The following PCDHGA7 variants were observed in gnomAD, a reference collection of about 807,000 sequenced individuals.
The protein encoded by PCDHGA7 is protocadherin gamma subfamily A, 7.
Under a neutral mutation model 58.3 loss-of-function variants are expected in PCDHGA7, and 44 were observed. The ratio of observed to expected loss-of-function variants is 0.75; its 90% CI spans 0.59 to 0.97. The LOEUF is 0.97. PCDHGA7 is among the 50% of genes least tolerant of loss of function. PCDHGA7 has a pLI of 0.00. For synonymous variants in PCDHGA7, 516 were observed against 504.2 expected (o/e 1.02, Z -0.31); for missense variants, 1,266 against 1,188.7 (o/e 1.06, Z -0.96).
In PCDHGA7 at chr5:141,487,829, C is replaced by T. The variant is rs528435429; in HGVS notation, c.2425-6978C>T. On this transcript the variant is annotated intron_variant, in intron 1 of 3. Transcript: ENST00000518325. The surrounding 1 kb of genome is among the most constrained non-coding windows in gnomAD (Gnocchi z 5.0). ...GTTTAGCATTGGGGGCGGGTCATGC[C>T]TATATCTGAGTAAGAAATGAAAGTA... The T allele has an allele frequency of 1.1e-4, 125 of 1,182,994 alleles. No homozygotes were observed. In the Middle Eastern group the frequency reaches 3.7e-3, roughly 35 times the overall value. 73.3% of individuals were successfully genotyped at this position (1,182,994 alleles called of 1,614,324 possible).
intron 1 of PCDHGA7, chr5:141,393,248 C>A: frequency 4.3e-6 from 7 of 1,613,798 alleles, no homozygotes; most frequent in Non-Finnish European, 5.9e-6. Flanking sequence ...TTAACGAAAT[C>A]GCGGTTCCTG....
At chr5:141,506,226 G>A (rs1248069119) in intron 3 of PCDHGA7, among the ~76,000 whole-genome samples, 3 of 152,152 alleles carry the variant, frequency 2.0e-5, no homozygotes, top group Non-Finnish European at 1.5e-5. Flanking sequence ...TGAGGCAGGA[G>A]GATCATGAGG....
At chr5:141,387,857 G>A (rs375524405) in intron 1 of PCDHGA7, 124 of 1,594,010 alleles carry the variant, frequency 7.8e-5, no homozygotes, top group Admixed American at 2.1e-4. Context: ...TCTCCAGGCT[G>A]GTGAGCAAGC....
rs181202785 is a variant in PCDHGA7, at chr5:141,458,320, G to A, written c.2425-36487G>A. On this transcript the variant is annotated intron_variant, in intron 1 of 3. Transcript: ENST00000518325. ...TTTAGATAAAATGACACAGACACAT[G>A]TGGAGTGGTTTTAAGGAGTGGAGAG... is the stretch of plus-strand genomic sequence containing the variant. Among the ~76,000 whole-genome samples the A allele has an allele frequency of 3.2e-3, 490 of 152,250 alleles. 4 individuals are homozygous for A. The highest frequency in any genetic ancestry group is 0.017 in the Middle Eastern group (5 of 294).
chr5:141,422,275 A>G (rs367711513), intron 1 of PCDHGA7: 6 of 1,560,374 alleles, frequency 3.8e-6, no homozygotes, highest in East Asian at 2.2e-5. Flanking sequence ...AGAAATAACT[A>G]TCACCTCTTC....
intron 1 of PCDHGA7, among the ~76,000 whole-genome samples, chr5:141,472,113 A>G (rs1296591849): frequency 1.3e-5 from 2 of 152,260 alleles, no homozygotes; most frequent in East Asian, 3.8e-4. Flanking sequence ...ATACATAAAG[A>G]AAATAAAAGA....
At chr5:141,410,312 C>T (rs754522489) in intron 1 of PCDHGA7, 9 of 1,614,036 alleles carry the variant, frequency 5.6e-6, no homozygotes, top group South Asian at 3.3e-5. Context: ...AGTGCTCTTC[C>T]TCCTCGCCGT....
At chr5:141,421,449 G>A (rs2096574013) in intron 1 of PCDHGA7, 2 of 1,614,010 alleles carry the variant, frequency 1.2e-6, no homozygotes, top group African/African-American at 1.3e-5. Flanking sequence ...GGAAGACACA[G>A]CTTTTCGCTG....
At chr5:141,454,131 G>A (rs754465889) in intron 1 of PCDHGA7, among the ~76,000 whole-genome samples, 2 of 152,334 alleles carry the variant, frequency 1.3e-5, no homozygotes, top group South Asian at 2.1e-4. Flanking sequence ...AGCTGACCAT[G>A]GGAATGTTCA....
chr5:141,438,638 A>G (rs1192725978), intron 1 of PCDHGA7, among the ~76,000 whole-genome samples: 1 of 22,806 alleles, frequency 4.4e-5, no homozygotes, highest in East Asian at 1.6e-3. Flanking sequence ...ATATATATAC[A>G]CACACACACA....
intron 1 of PCDHGA7, chr5:141,393,707 T>G (rs1296711922): frequency 6.2e-7 from 1 of 1,613,882 alleles, no homozygotes; most frequent in East Asian, 2.2e-5. Flanking sequence ...ATGAAAATAC[T>G]GGGGAAATAT....
In PCDHGA7 at chr5:141,394,482, G is replaced by T. The variant is rs751618237; in HGVS notation, c.2424+9159G>T. On this transcript the variant is annotated intron_variant, in intron 1 of 3. Coordinates refer to ENST00000518325, the MANE Select transcript of PCDHGA7 (RefSeq NM_018920.4). ...GAGCCTGTTCGTGCTGGACCAGAAT[G>T]ACAACGCGCCCGAGATCCTGTACCC... 8 of 1,614,122 alleles carry T rather than the reference G, an allele frequency of 5.0e-6. No homozygotes were observed. The African/African-American group carries it at 1.1e-4, about 22-fold the overall frequency.
intron 1 of PCDHGA7, chr5:141,414,606 A>C: frequency 6.2e-7 from 1 of 1,613,944 alleles, no homozygotes; most frequent in Non-Finnish European, 8.5e-7. Flanking sequence ...CCATCTTCTC[A>C]GTGACAGCGC....
chr5:141,450,220 G>A (rs898186696), intron 1 of PCDHGA7, among the ~76,000 whole-genome samples: 12 of 151,956 alleles, frequency 7.9e-5, no homozygotes, highest in African/African-American at 2.9e-4. Flanking sequence ...GTTTCACTAT[G>A]TTGGCCAGGC....
At chr5:141,424,055 C>T (rs2096796946) in intron 1 of PCDHGA7, 1 of 1,007,784 alleles carries the variant, frequency 9.9e-7, no homozygotes. Flanking sequence ...TTTTGCTGTG[C>T]CTTCACTGAT....
intron 1 of PCDHGA7, chr5:141,417,543 C>T: frequency 6.5e-6 from 2 of 307,994 alleles, no homozygotes; most frequent in Non-Finnish European, 1.2e-5. Flanking sequence ...AAAAAAAATT[C>T]CTTGAAAGAG....
chr5:141,400,713 T>G (rs1225008709), intron 1 of PCDHGA7: 1 of 686,914 alleles, frequency 1.5e-6, no homozygotes, highest in Admixed American at 3.0e-5. Flanking sequence ...GAAGTAGCCT[T>G]ATAGATTTAC....
At chr5:141,397,495 A>T (rs1346259397) in intron 1 of PCDHGA7, among the ~76,000 whole-genome samples, 2 of 152,226 alleles carry the variant, frequency 1.3e-5, no homozygotes, top group Non-Finnish European at 2.9e-5. Flanking sequence ...GAACAGAAGA[A>T]TGATAAAATT....
rs1188870363 is a variant in PCDHGA7 at position 141,490,058 on chromosome 5, C to A, written c.2425-4749C>A. 16 of 1,614,230 alleles carry A rather than the reference C, an allele frequency of 9.9e-6. No individual in the cohort carries two copies. In the East Asian group the frequency reaches 3.6e-4, roughly 36 times the overall value. The stretch of plus-strand genomic sequence containing the variant: ...AATGCCACTGATCCAGACGAGGGCA[C>A]CAACGGCCAACTAGACTATTCTTTT... On this transcript the variant is annotated intron_variant, in intron 1 of 3. Coordinates refer to ENST00000518325, the MANE Select transcript of PCDHGA7 (RefSeq NM_018920.4). This position sits in a 1 kb window ranked among gnomAD's most constrained non-coding sequence, Gnocchi z 5.4.
Sources: gnomAD v4.1 joint callset for allele counts (sites outside exome capture counted in the v4.1 genomes callset) on GRCh38, gnomAD v4.1.1 for gene constraint, Gnocchi (gnomAD v3.1) non-coding constraint, MANE v1.5 for transcripts, NCBI Gene and HGNC (gene_info 2026-07-23, HGNC 2026-07-21) for gene names.